Variants in RASA3 observed in about 807,000 individuals in gnomAD.
RASA3 encodes the protein ras GTPase-activating protein 3.
Under a neutral mutation model 110.0 loss-of-function variants are expected in RASA3, and 73 were observed. That is an observed-to-expected ratio of 0.66 (90% confidence interval 0.55 to 0.81). RASA3 has a LOEUF of 0.81. RASA3 is among the 30% of genes least tolerant of loss of function. The pLI is 0.00. For synonymous variants in RASA3, 500 were observed against 451.4 expected (o/e 1.11, Z -1.37); for missense variants, 976 against 1,113.2 (o/e 0.88, Z 1.75).
At chr13:114,067,070 A>T (rs1459266621) in intron 2 of RASA3, among the ~76,000 whole-genome samples, 1 of 136,378 alleles carries the variant, frequency 7.3e-6, no homozygotes, top group East Asian at 2.3e-4. Context: ...GGCTGAGGAC[A>T]GGCCCCCCAA....
chr13:114,058,317 G>T (rs2079280173), intron 2 of RASA3, among the ~76,000 whole-genome samples: 1 of 152,154 alleles, frequency 6.6e-6, no homozygotes, highest in African/African-American at 2.4e-5. Context: ...CGTCCAGCAG[G>T]AAGAGCGGAT....
chr13:114,121,956 G>A (rs1193134706), intron 1 of RASA3, among the ~76,000 whole-genome samples: 2 of 152,238 alleles, frequency 1.3e-5, no homozygotes, highest in African/African-American at 4.8e-5. Flanking sequence ...CAGGTGACTG[G>A]CTGAGGGGCA....
At chr13:114,026,808 A>G (rs572910204) in intron 7 of RASA3, among the ~76,000 whole-genome samples, 11 of 152,240 alleles carry the variant, frequency 7.2e-5, no homozygotes, top group African/African-American at 2.6e-4. Context: ...CACCGGCCAC[A>G]TGGCAGGTCC....
intron 23 of RASA3, among the ~76,000 whole-genome samples, chr13:113,979,929 CCATGTGTGCATCTCCTCCCA>C (rs1272983185): frequency 6.6e-6 from 1 of 150,910 alleles, no homozygotes; most frequent in Non-Finnish European, 1.5e-5. Context: ...CCTACCACCT[CCATGTGTGCATCTCCTCCCA>C]CGTGTGTGCA....
chr13:114,072,799 A>T (rs2079593693), intron 2 of RASA3, among the ~76,000 whole-genome samples: 1 of 152,140 alleles, frequency 6.6e-6, no homozygotes, highest in Non-Finnish European at 1.5e-5. Flanking sequence ...CTCAGGACAT[A>T]ATCTACATAC....
At chr13:114,023,349 G>T (rs1026162716) in intron 8 of RASA3, among the ~76,000 whole-genome samples, 1 of 151,024 alleles carries the variant, frequency 6.6e-6, no homozygotes, top group Non-Finnish European at 1.5e-5. Context: ...TCCCAGGCTC[G>T]GGGGCATCCT....
intron 1 of RASA3, among the ~76,000 whole-genome samples, chr13:114,111,675 C>A (rs1464668804): frequency 6.6e-6 from 1 of 152,270 alleles, no homozygotes; most frequent in Non-Finnish European, 1.5e-5. Flanking sequence ...CACACAGAGC[C>A]CAGCGTCTCC....
intron 7 of RASA3, among the ~76,000 whole-genome samples, chr13:114,024,796 G>A (rs1255339352): frequency 1.3e-5 from 2 of 152,254 alleles, no homozygotes; most frequent in African/African-American, 4.8e-5. Context: ...AACGCGTGAG[G>A]TCTGTGGAGC....
chr13:114,015,910 G>C (rs183437227), intron 13 of RASA3, among the ~76,000 whole-genome samples: 2 of 152,136 alleles, frequency 1.3e-5, no homozygotes, highest in East Asian at 1.9e-4. Context: ...GACCCTCCGG[G>C]GGGGCAGAGC....
At chr13:114,083,554 A>C (rs35240042) in intron 1 of RASA3, among the ~76,000 whole-genome samples, 2,829 of 121,510 alleles carry the variant, frequency 0.023, 56 homozygotes, top group African/African-American at 0.072. Flanking sequence ...CGGGGAAATC[A>C]CGGGGAAGTG....
chr13:113,999,841 A>G (rs181083607), intron 19 of RASA3, among the ~76,000 whole-genome samples, 174 bp from the exon 20 acceptor site: 3 of 13,642 alleles, frequency 2.2e-4, no homozygotes, highest in Non-Finnish European at 3.8e-4. Flanking sequence ...GGGGGTCTCT[A>G]CCGGGGGTCT....
At chr13:114,058,122 G>A (rs556814080) in intron 2 of RASA3, among the ~76,000 whole-genome samples, 1 of 152,130 alleles carries the variant, frequency 6.6e-6, no homozygotes, top group Non-Finnish European at 1.5e-5. Context: ...GGGGTGTGAG[G>A]ACAGGGGCGA....
At chr13:114,012,326 GTCCACACAC>G (rs1484040120) in intron 15 of RASA3, among the ~76,000 whole-genome samples, 1 of 147,862 alleles carries the variant, frequency 6.8e-6, no homozygotes, top group African/African-American at 2.5e-5. Context: ...CCCACGCACC[GTCCACACAC>G]TCCACACACA....
chr13:114,063,369 A>G (rs1009166902), intron 2 of RASA3, among the ~76,000 whole-genome samples: 1 of 149,970 alleles, frequency 6.7e-6, no homozygotes, highest in Admixed American at 6.7e-5. Flanking sequence ...CATAAATACA[A>G]TATTTATAAT....
intron 2 of RASA3, among the ~76,000 whole-genome samples, chr13:114,071,328 A>G (rs900958379): frequency 1.9e-4 from 29 of 152,182 alleles, no homozygotes; most frequent in African/African-American, 6.8e-4. Context: ...TATCTGAAAG[A>G]CAACAGGCCC....
At chr13:114,106,553 C>T (rs747085007) in intron 1 of RASA3, among the ~76,000 whole-genome samples, 2 of 152,134 alleles carry the variant, frequency 1.3e-5, no homozygotes, top group African/African-American at 2.4e-5. Context: ...CAATGTAATT[C>T]GGAGCTTTGT....
At chr13:114,043,517 G>C (rs1261186347) in intron 3 of RASA3, among the ~76,000 whole-genome samples, 4 of 152,174 alleles carry the variant, frequency 2.6e-5, no homozygotes, top group Non-Finnish European at 4.4e-5. Flanking sequence ...CGTAGATACA[G>C]CACACAGGCA....
chr13:113,999,707 T>G, intron 19 of RASA3, 40 bp from the exon 20 acceptor site: 1 of 1,454,536 alleles, frequency 6.9e-7, no homozygotes, highest in Non-Finnish European at 9.3e-7. Flanking sequence ...CGGGCCCCGC[T>G]GTCCCGGCTG....
rs148778423 is a variant in RASA3 at position 114,009,984 on chromosome 13, G to A, written c.1591-520C>T. ...TCCTGAGGCTCGACCCCAAGTTCCT[G>A]TTGTTTCCACACTGAGGTCACTGCA... On this transcript the variant is annotated intron_variant, in intron 16 of 23. Coordinates refer to ENST00000334062, the MANE Select transcript of RASA3 (RefSeq NM_007368.4). Among the ~76,000 whole-genome samples, 243 of 152,354 alleles carry A rather than the reference G, an allele frequency of 1.6e-3. 2 individuals carry two copies. The highest frequency in any genetic ancestry group is 5.8e-3 in the African/African-American group (240 of 41,588).
Sources: allele counts gnomAD v4.1 joint callset (sites outside exome capture counted in the v4.1 genomes callset), GRCh38; gene constraint gnomAD v4.1.1; transcripts MANE v1.5; gene names NCBI Gene and HGNC (gene_info 2026-07-23, HGNC 2026-07-21).